The following ZFC3H1 variants were observed in gnomAD, a reference collection of about 807,000 sequenced individuals.
ZFC3H1 encodes zinc finger C3H1-type containing, also known as zinc finger C3H1 domain-containing protein.
Under a neutral mutation model 243.7 loss-of-function variants are expected in ZFC3H1, and 71 were observed. The observed-to-expected ratio is 0.29, with a 90% CI of 0.24 to 0.36. The LOEUF is 0.36. Ranked by LOEUF, ZFC3H1 falls within the 10% of genes least tolerant of loss-of-function variation. The pLI, the probability that ZFC3H1 is intolerant of heterozygous loss-of-function variation, is 1.00. For missense variants in ZFC3H1, 1,966 were observed against 2,317.1 expected (o/e 0.85, Z 3.11); for synonymous variants, 838 against 813.0 (o/e 1.03, Z -0.52).
At chr12:71,622,109 C>A (rs1027183759) in intron 24 of ZFC3H1, among the ~76,000 whole-genome samples, 2 of 152,224 alleles carry the variant, frequency 1.3e-5, no homozygotes, top group African/African-American at 4.8e-5. Context: ...CCCAATCTCA[C>A]TTCAAATCCA....
At position 71,619,430 on chromosome 12, in the gene ZFC3H1, G is replaced by A. The variant is rs73146235; in HGVS notation, c.5050-21C>T. ...CGATTCTATTTTAAAAAGAGGGAGG[G>A]GGATATATATCAGGCTTACAATGTT... is the stretch of plus-strand genomic sequence containing the variant. On this transcript the variant is annotated intron_variant, in intron 26 of 34. Transcript: ENST00000378743. 7,581 of 1,600,516 alleles carry A rather than the reference G, an allele frequency of 4.7e-3. 25 individuals are homozygous for A. The highest frequency in any genetic ancestry group is 5.8e-3 in the Non-Finnish European group (6,775 of 1,168,706).
intron 19 of ZFC3H1, 81 bp from the exon 20 acceptor site, chr12:71,629,118 G>T: frequency 2.5e-6 from 3 of 1,201,818 alleles, no homozygotes; most frequent in South Asian, 1.6e-5. Flanking sequence ...AATAATATTT[G>T]AGAAGAACTA....
intron 11 of ZFC3H1, 110 bp from the exon 12 acceptor site, chr12:71,634,414 T>C: frequency 7.7e-7 from 1 of 1,290,332 alleles, no homozygotes; most frequent in African/African-American, 1.5e-5. Flanking sequence ...CGACTAATAA[T>C]AAAGATGATG....
chr12:71,645,480 C>T (rs1880706643), intron 3 of ZFC3H1, among the ~76,000 whole-genome samples: 1 of 152,140 alleles, frequency 6.6e-6, no homozygotes, highest in Non-Finnish European at 1.5e-5. Context: ...GGAAGTGGTT[C>T]CCTGATCATG....
chr12:71,658,311 C>CA (rs973631679), intron 1 of ZFC3H1, among the ~76,000 whole-genome samples: 1 of 103,824 alleles, frequency 9.6e-6, no homozygotes, highest in Non-Finnish European at 1.7e-5. Flanking sequence ...TTTTTTGAGA[C>CA]AGAGTCTCGC....
rs545279034 is a variant in ZFC3H1 at position 71,629,743 on chromosome 12, A to G, written c.3725-33T>C. ...AAGAGCAATGCAATCTTCATGATAA[A>G]TATCAATTACAGAGACTAGGATAAT... On this transcript the variant is annotated intron_variant, in intron 18 of 34. Coordinates refer to ENST00000378743, the MANE Select transcript of ZFC3H1 (RefSeq NM_144982.5). 181 of 1,315,386 alleles carry G rather than the reference A, an allele frequency of 1.4e-4. 1 individual carries two copies. The East Asian group carries it at 3.5e-3, about 26-fold the overall frequency. The allele number at this position is 1,315,386 out of a possible 1,614,324, so 81.5% of individuals were successfully genotyped here.
Position 71,610,134 on chromosome 12 carries a change from A to G in ZFC3H1, c.*294T>C, listed in dbSNP as rs1321195045. 1 of 218,838 alleles carries G rather than the reference A, an allele frequency of 4.6e-6. No individual in the cohort carries two copies. The highest frequency in any genetic ancestry group is 8.9e-6 in the Non-Finnish European group (1 of 112,272). 13.6% of individuals were successfully genotyped at this position (218,838 alleles called of 1,614,324 possible). On this transcript the variant is annotated 3_prime_UTR_variant, in exon 35 of 35. Transcript: ENST00000378743. ...TGGGGGAGAAAATAAAAAAAAACAA[A>G]GCAAAATTAAAATAAATGTCAGTCA...
At chr12:71,624,080 T>A in intron 23 of ZFC3H1, 24 bp downstream of exon 23, 2 of 1,586,730 alleles carry the variant, frequency 1.3e-6, no homozygotes, top group Non-Finnish European at 1.7e-6. Context: ...CAAAATGCAA[T>A]TAAATGCTGT....
Position 71,635,527 on chromosome 12 carries a change from T to C in ZFC3H1, c.2154A>G (p.Glu718=). The C allele has an allele frequency of 1.3e-6, 2 of 1,566,670 alleles. No homozygotes were observed. The highest frequency in any genetic ancestry group is 8.6e-7 in the Non-Finnish European group (1 of 1,164,520). The stretch of plus-strand genomic sequence containing the variant: ...TTGACTTGGAAGCCTCTCCATCAGA[T>C]TCACTATCATCTGAATCATTTAGTG... ...VVTLNDSDDS[E]SDGEASKSTN... Residue 718 remains glutamate (E), a synonymous_variant, in exon 10 of 35, where the codon GAA becomes GAG. Transcript: ENST00000378743.
chr12:71,635,590 CAATA>C lies in ZFC3H1; in HGVS notation c.2101-14_2101-11del, dbSNP rs1880438381. On this transcript the variant is annotated splice_polypyrimidine_tract_variant and intron_variant, in intron 9 of 34. Coordinates refer to ENST00000378743, the MANE Select transcript of ZFC3H1 (RefSeq NM_144982.5). ...ATTTATGCTTTGGAAGCTGCAAAGA[CAATA>C]TATTTATTACTCGTGATAACAAAAG... 1 of 1,525,660 alleles carries C rather than the reference CAATA, an allele frequency of 6.6e-7. No individual in the cohort carries two copies. Among genetic ancestry groups the C allele is most frequent in the Non-Finnish European group, 8.7e-7 (1 of 1,147,614 alleles). The allele number at this position is 1,525,660 out of a possible 1,614,324, so 94.5% of individuals were successfully genotyped here.
intron 20 of ZFC3H1, among the ~76,000 whole-genome samples, chr12:71,628,485 C>T (rs952512885): frequency 1.5e-4 from 23 of 152,150 alleles, no homozygotes; most frequent in Non-Finnish European, 1.5e-5. Flanking sequence ...TTATTTTGTT[C>T]ATTAGTTCAT....
chr12:71,662,847 TA>T, intron 1 of ZFC3H1, 165 bp downstream of exon 1: 1 of 744,466 alleles, frequency 1.3e-6, no homozygotes, highest in African/African-American at 1.7e-5. Context: ...AATAACGCTA[TA>T]GTGTGACACA....
intron 8 of ZFC3H1, 58 bp from the exon 9 acceptor site, chr12:71,636,712 C>T: frequency 8.3e-6 from 13 of 1,560,486 alleles, no homozygotes; most frequent in Non-Finnish European, 1.0e-5. Context: ...TTTCTGCCAC[C>T]TTTAAAAATC....
At chr12:71,660,808 A>G (rs182210717) in intron 1 of ZFC3H1, among the ~76,000 whole-genome samples, 1 of 152,178 alleles carries the variant, frequency 6.6e-6, no homozygotes, top group Admixed American at 6.5e-5. Context: ...TACAGGTTTC[A>G]TCTTTGTACC....
chr12:71,654,072 A>G (rs1880956811), intron 2 of ZFC3H1, among the ~76,000 whole-genome samples: 1 of 152,156 alleles, frequency 6.6e-6, no homozygotes, highest in Admixed American at 6.5e-5. Context: ...CCCAGGGAAA[A>G]TATCTTTTAA....
chr12:71,643,440 A>C (rs868175389), intron 5 of ZFC3H1, among the ~76,000 whole-genome samples: 1 of 151,990 alleles, frequency 6.6e-6, no homozygotes, highest in African/African-American at 2.4e-5. Flanking sequence ...CAAAGTATAA[A>C]TATTTACAAT....
At chr12:71,647,228 C>T (rs1001344805) in intron 3 of ZFC3H1, among the ~76,000 whole-genome samples, 9 of 152,180 alleles carry the variant, frequency 5.9e-5, no homozygotes, top group African/African-American at 1.7e-4. Context: ...GCCTGTTATA[C>T]GTCAAACACA....
chr12:71,630,975 A>C, intron 16 of ZFC3H1, 21 bp from the exon 17 acceptor site: 1 of 1,551,684 alleles, frequency 6.4e-7, no homozygotes, highest in Admixed American at 1.9e-5. Flanking sequence ...GAGAGTGAAC[A>C]GGTATATTAT....
At chr12:71,620,645 A>T (rs1432674631) in intron 24 of ZFC3H1, among the ~76,000 whole-genome samples, 1 of 152,214 alleles carries the variant, frequency 6.6e-6, no homozygotes, top group East Asian at 1.9e-4. Context: ...CTCAACAAAA[A>T]AAAAATTACA....
Sources: allele counts gnomAD v4.1 joint callset (sites outside exome capture counted in the v4.1 genomes callset), GRCh38; gene constraint gnomAD v4.1.1; transcripts MANE v1.5; gene names NCBI Gene and HGNC (gene_info 2026-07-23, HGNC 2026-07-21).